CCBE1: variants seen among roughly 807,000 people sequenced by gnomAD.
CCBE1 encodes collagen and calcium binding EGF domains 1, also known as collagen and calcium-binding EGF domain-containing protein 1.
In CCBE1, 37 loss-of-function variants were observed where a neutral mutation model predicts 50.0. The ratio of observed to expected loss-of-function variants is 0.74; its 90% CI spans 0.57 to 0.97. The LOEUF is 0.97. CCBE1 is among the 50% of genes least tolerant of loss of function. CCBE1 has a pLI of 0.00. For synonymous variants in CCBE1, 234 were observed against 203.7 expected (o/e 1.15, Z -1.27); for missense variants, 538 against 523.8 (o/e 1.03, Z -0.26).
intron 2 of CCBE1, among the ~76,000 whole-genome samples, chr18:59,677,797 CAG>C (rs1484740170): frequency 6.6e-6 from 1 of 151,960 alleles, no homozygotes; most frequent in Non-Finnish European, 1.5e-5. Flanking sequence ...GTTGAAATGA[CAG>C]AACATCTAAT....
chr18:59,664,755 G>A (rs1445022999), intron 2 of CCBE1, among the ~76,000 whole-genome samples: 1 of 152,072 alleles, frequency 6.6e-6, no homozygotes, highest in Non-Finnish European at 1.5e-5. Context: ...CATTATTCAG[G>A]GCAAGAGATA....
chr18:59,626,163 C>G (rs1320536775), intron 2 of CCBE1, among the ~76,000 whole-genome samples: 1 of 152,146 alleles, frequency 6.6e-6, no homozygotes, highest in Non-Finnish European at 1.5e-5. Flanking sequence ...TTTGACCAAT[C>G]TTAGTATCTA....
chr18:59,697,173 A>G (rs1367228769), intron 1 of CCBE1, 39 bp downstream of exon 1: 1 of 1,547,168 alleles, frequency 6.5e-7, no homozygotes, highest in African/African-American at 1.4e-5. Flanking sequence ...GCGCGCATCA[A>G]GCAGGAGCTC....
intron 2 of CCBE1, among the ~76,000 whole-genome samples, chr18:59,537,536 T>A (rs1216101513): frequency 1.3e-5 from 2 of 152,198 alleles, no homozygotes; most frequent in African/African-American, 4.8e-5. Context: ...AAGATGTGCC[T>A]TTTGCCTTCC....
rs1372250186 is a variant in CCBE1 at position 59,434,316 on chromosome 18, A to T, written c.*1592T>A. On this transcript the variant is annotated 3_prime_UTR_variant, in exon 11 of 11. Transcript: ENST00000439986. ...AGGATGGGAAATTCCAACATGAGCT[A>T]ATATGAGTGTGAGAACGATCATTTG... is the stretch of plus-strand genomic sequence containing the variant. The T allele has an allele frequency of 6.6e-6, 1 of 152,260 alleles. No individual in the cohort carries two copies. The highest frequency in any genetic ancestry group is 2.4e-5 in the African/African-American group (1 of 41,462). 9.4% of individuals were successfully genotyped at this position (152,260 alleles called of 1,614,324 possible). A position where few individuals can be genotyped will look rare whatever the true frequency, so the allele number is the denominator to read the frequency against.
rs375418644 is a variant in CCBE1, at chr18:59,539,526, G to A, written c.213-59288C>T. Reference sequence around the variant, plus strand: ...GACTCAGCTAAACAGGGCCCAAATTGCTCACCAACAGAAACGAAGGGCAAG... The same window carrying A: ...GACTCAGCTAAACAGGGCCCAAATTACTCACCAACAGAAACGAAGGGCAAG... On this transcript the variant is annotated intron_variant, in intron 2 of 10. Coordinates refer to ENST00000439986, the MANE Select transcript of CCBE1 (RefSeq NM_133459.4). Among the ~76,000 whole-genome samples the A allele has an allele frequency of 7.9e-5, 12 of 151,502 alleles. No homozygotes were observed. The South Asian group carries it at 2.5e-3, about 32-fold the overall frequency.
chr18:59,601,441 G>A (rs554255771), intron 2 of CCBE1, among the ~76,000 whole-genome samples: 131 of 152,206 alleles, frequency 8.6e-4, no homozygotes, highest in Admixed American at 2.7e-3. Flanking sequence ...CATGTAAGAC[G>A]TGCCTTTGCT....
intron 2 of CCBE1, among the ~76,000 whole-genome samples, chr18:59,533,153 T>G (rs1045487291): frequency 6.6e-6 from 1 of 152,220 alleles, no homozygotes; most frequent in African/African-American, 2.4e-5. Context: ...ACAAAATCTT[T>G]AGAAACAAAA....
chr18:59,510,252 T>C (rs1480841739), intron 2 of CCBE1, among the ~76,000 whole-genome samples: 1 of 152,204 alleles, frequency 6.6e-6, no homozygotes, highest in Non-Finnish European at 1.5e-5. Context: ...ACTGTGTGCA[T>C]GAGTTCTGAC....
chr18:59,685,437 C>CA (rs2054642136), intron 2 of CCBE1, among the ~76,000 whole-genome samples: 2 of 152,274 alleles, frequency 1.3e-5, no homozygotes, highest in East Asian at 3.9e-4. Flanking sequence ...GGACCTGCAG[C>CA]AATTGCAAAG....
chr18:59,560,831 C>T (rs1171515001), intron 2 of CCBE1, among the ~76,000 whole-genome samples: 4 of 152,284 alleles, frequency 2.6e-5, no homozygotes, highest in African/African-American at 9.6e-5. Flanking sequence ...AGGGACGGCA[C>T]AGACATCCAC....
intron 2 of CCBE1, among the ~76,000 whole-genome samples, chr18:59,565,659 G>A (rs1212924537): frequency 6.6e-6 from 1 of 152,122 alleles, no homozygotes; most frequent in East Asian, 1.9e-4. Context: ...CGACAGCAAA[G>A]CATTAAACTA....
chr18:59,672,421 T>C (rs1287438233), intron 2 of CCBE1, among the ~76,000 whole-genome samples: 1 of 152,212 alleles, frequency 6.6e-6, no homozygotes, highest in Non-Finnish European at 1.5e-5. Context: ...AATTTGGGAC[T>C]CAAAAGCTGC....
At chr18:59,454,275 A>G (rs966640734) in intron 6 of CCBE1, among the ~76,000 whole-genome samples, 4 of 151,752 alleles carry the variant, frequency 2.6e-5, no homozygotes, top group Admixed American at 6.6e-5. Context: ...TTGGAGTTTC[A>G]CTCTTGTTGC....
In CCBE1 at chr18:59,634,665, A is replaced by T. The variant is rs184501116; in HGVS notation, c.212+61964T>A. 1.3e-3 allele frequency among the ~76,000 whole-genome samples: 205 copies of T among 152,388 alleles called. 2 individuals carry two copies. The highest frequency in any genetic ancestry group is 3.5e-4 in the Non-Finnish European group (24 of 68,040). On this transcript the variant is annotated intron_variant, in intron 2 of 10. Transcript: ENST00000439986. ...GGCATCTTCAAATGCATAGTATAAA[A>T]TAACTAAATTAGAAATATCATTTAT...
At chr18:59,561,584 C>T (rs903435503) in intron 2 of CCBE1, among the ~76,000 whole-genome samples, 1 of 152,228 alleles carries the variant, frequency 6.6e-6, no homozygotes, top group Non-Finnish European at 1.5e-5. Flanking sequence ...AAAGGTATAA[C>T]TGCCCTGCTG....
At chr18:59,661,462 T>C (rs1361056405) in intron 2 of CCBE1, among the ~76,000 whole-genome samples, 1 of 152,188 alleles carries the variant, frequency 6.6e-6, no homozygotes, top group Non-Finnish European at 1.5e-5. Context: ...AACTTTAACT[T>C]CCATAGTTAA....
At position 59,436,100 on chromosome 18, in the gene CCBE1, A is replaced by C. The variant is rs1910145112; in HGVS notation, c.1029T>G (p.Ala343=). ...GSFDFLLLML[A]DIRNDITELQ... is the part of the protein sequence containing the mutation. ...GCTCAGTGATGTCATTGCGGATGTCAGCCAGCATAAGTAGCAGGAAGTCGA... is the reference window on the plus strand; with the variant it reads ...GCTCAGTGATGTCATTGCGGATGTCCGCCAGCATAAGTAGCAGGAAGTCGA... Residue 343 remains alanine (A), a synonymous_variant, in exon 11 of 11, where the codon GCT becomes GCG. Coordinates refer to ENST00000439986, the MANE Select transcript of CCBE1 (RefSeq NM_133459.4). 1 of 1,614,144 alleles carries C rather than the reference A, an allele frequency of 6.2e-7. No homozygotes were observed. Among genetic ancestry groups the C allele is most frequent in the Non-Finnish European group, 8.5e-7 (1 of 1,180,064 alleles).
At chr18:59,626,172 T>C (rs1022302902) in intron 2 of CCBE1, among the ~76,000 whole-genome samples, 3 of 152,224 alleles carry the variant, frequency 2.0e-5, no homozygotes, top group South Asian at 4.1e-4. Flanking sequence ...TCTTAGTATC[T>C]ATTTTGCTTT....
Sources: allele counts gnomAD v4.1 joint callset (sites outside exome capture counted in the v4.1 genomes callset), GRCh38; gene constraint gnomAD v4.1.1; transcripts MANE v1.5; gene names NCBI Gene and HGNC (gene_info 2026-07-23, HGNC 2026-07-21).